Variants in WDR70 observed in about 807,000 individuals in gnomAD.
WDR70 encodes WD repeat domain 70.
A neutral mutation model predicts 88.6 loss-of-function variants in WDR70; 53 were observed. That is an observed-to-expected ratio of 0.60 (90% CI 0.48 to 0.75). The LOEUF is 0.75. WDR70 is among the 30% of genes least tolerant of loss of function. The pLI, the probability that WDR70 is intolerant of heterozygous loss-of-function variation, is 0.00. For synonymous variants in WDR70, 280 were observed against 270.0 expected, an observed-to-expected ratio of 1.04 and a Z score of -0.36; for missense variants, 610 against 823.2, an observed-to-expected ratio of 0.74 and a Z score of 3.17.
intron 10 of WDR70, among the ~76,000 whole-genome samples, chr5:37,676,111 G>C (rs79145838): frequency 7.0e-6 from 1 of 143,222 alleles, no homozygotes; most frequent in South Asian, 2.4e-4. Flanking sequence ...CTGAAGTTGC[G>C]CATCAGCTTA....
intron 10 of WDR70, among the ~76,000 whole-genome samples, chr5:37,651,337 G>A (rs1491001618): frequency 6.6e-6 from 1 of 152,138 alleles, no homozygotes; most frequent in Admixed American, 6.6e-5. Context: ...ATATATATGT[G>A]CCACATTTTC....
Position 37,479,838 on chromosome 5 carries a change from C to G in WDR70, c.691C>G (p.Gln231Glu). 1 of 1,608,944 alleles carries G rather than the reference C, an allele frequency of 6.2e-7. No individual in the cohort carries two copies. The highest frequency in any genetic ancestry group is 8.5e-7 in the Non-Finnish European group (1 of 1,178,218). The change falls in exon 8 of 18, where the codon CAG (glutamine) becomes GAG (glutamate). Residue 231 changes from glutamine to glutamate, a missense_variant. This residue lies in a region of WDR70 where 83 missense variants were observed against 155.3 expected (regional missense o/e 0.53). Transcript: ENST00000265107. Reference sequence around the variant, plus strand: ...TTTCCTTTTCTTTTCGTACAGCCATCAGATCAAGTCATTACAGTATAGTAA... The same window carrying G: ...TTTCCTTTTCTTTTCGTACAGCCATGAGATCAAGTCATTACAGTATAGTAA... Reference protein sequence around the residue: ...FRSLQPCECHQIKSLQYSNTG... With the variant: ...FRSLQPCECHEIKSLQYSNTG...
chr5:37,547,360 A>G (rs1014510204), intron 9 of WDR70, among the ~76,000 whole-genome samples: 2 of 152,210 alleles, frequency 1.3e-5, no homozygotes, highest in Non-Finnish European at 2.9e-5. Context: ...AAAGACTTGC[A>G]TATTATAATA....
intron 10 of WDR70, among the ~76,000 whole-genome samples, chr5:37,649,396 A>T (rs182852900): frequency 1.1e-4 from 17 of 151,032 alleles, no homozygotes; most frequent in Non-Finnish European, 2.5e-4. Context: ...GTCTGTACAT[A>T]TGGAAGTAAC....
At chr5:37,479,307 T>C (rs1351747735) in intron 7 of WDR70, among the ~76,000 whole-genome samples, 1 of 150,758 alleles carries the variant, frequency 6.6e-6, no homozygotes, top group Non-Finnish European at 1.5e-5. Context: ...TAGATTGCAG[T>C]GGAGAGTGGG....
chr5:37,591,195 T>C (rs1021467546), intron 9 of WDR70, among the ~76,000 whole-genome samples: 3 of 152,050 alleles, frequency 2.0e-5, no homozygotes, highest in Non-Finnish European at 2.9e-5. Context: ...TAGCCAGGCA[T>C]AGTGGCTCGT....
intron 10 of WDR70, among the ~76,000 whole-genome samples, chr5:37,621,131 C>T (rs772039302): frequency 6.6e-6 from 1 of 152,106 alleles, no homozygotes; most frequent in Admixed American, 6.6e-5. Context: ...CAGCTTCTTA[C>T]AGTCTGCCTC....
chr5:37,453,225 C>T (rs1247803415), intron 7 of WDR70, among the ~76,000 whole-genome samples: 1 of 152,198 alleles, frequency 6.6e-6, no homozygotes, highest in Non-Finnish European at 1.5e-5. Flanking sequence ...TAAAGACACA[C>T]ACACAGAAAT....
At chr5:37,480,895 G>T (rs530983413) in intron 8 of WDR70, among the ~76,000 whole-genome samples, 25 of 152,326 alleles carry the variant, frequency 1.6e-4, no homozygotes, top group African/African-American at 5.8e-4. Context: ...AAGCAAGTTA[G>T]TTACTTTCTA....
intron 9 of WDR70, among the ~76,000 whole-genome samples, chr5:37,573,326 A>G (rs896316795): frequency 6.6e-6 from 1 of 152,176 alleles, no homozygotes; most frequent in Non-Finnish European, 1.5e-5. Flanking sequence ...CTCATTAAAC[A>G]GTAAGAATAA....
intron 11 of WDR70, among the ~76,000 whole-genome samples, chr5:37,699,158 G>A (rs1747067561): frequency 6.6e-6 from 1 of 151,878 alleles, no homozygotes; most frequent in South Asian, 2.1e-4. Context: ...GGGGAGAAGA[G>A]GGGAAAAAGG....
chr5:37,603,171 C>T (rs1440982973), intron 9 of WDR70, among the ~76,000 whole-genome samples: 5 of 151,344 alleles, frequency 3.3e-5, no homozygotes, highest in South Asian at 2.1e-4. Flanking sequence ...TATGAAACCA[C>T]GAAAGATCCC....
At chr5:37,506,458 C>T in intron 8 of WDR70, 1 of 767,642 alleles carries the variant, frequency 1.3e-6, no homozygotes, top group South Asian at 1.4e-5. Flanking sequence ...AAGAAGGCTC[C>T]TCTATGATCT....
chr5:37,395,794 T>A (rs1748993676), intron 4 of WDR70, among the ~76,000 whole-genome samples: 2 of 152,124 alleles, frequency 1.3e-5, no homozygotes, highest in African/African-American at 4.8e-5. Flanking sequence ...ATTTTTAAAT[T>A]AAATTTTTAT....
intron 11 of WDR70, among the ~76,000 whole-genome samples, chr5:37,698,483 G>A (rs191163998): frequency 1.4e-5 from 2 of 140,048 alleles, no homozygotes; most frequent in Non-Finnish European, 3.2e-5. Flanking sequence ...TATCACATAA[G>A]GAAAAGAAAT....
intron 9 of WDR70, among the ~76,000 whole-genome samples, chr5:37,543,321 C>A (rs1010354806): frequency 2.0e-5 from 3 of 152,146 alleles, no homozygotes; most frequent in Non-Finnish European, 4.4e-5. Context: ...CATTTGTAAA[C>A]TGATACAGTG....
intron 8 of WDR70, among the ~76,000 whole-genome samples, chr5:37,509,201 T>G (rs1371956948): frequency 6.6e-6 from 1 of 152,100 alleles, no homozygotes. Flanking sequence ...TATTTTAAGA[T>G]GGATGCTTTA....
intron 10 of WDR70, among the ~76,000 whole-genome samples, chr5:37,671,581 C>G (rs1746026713): frequency 6.6e-6 from 1 of 152,174 alleles, no homozygotes; most frequent in Admixed American, 6.5e-5. Context: ...AATATTTTCT[C>G]TATTTTCAGA....
At chr5:37,735,369 G>T (rs1211707756) in intron 17 of WDR70, among the ~76,000 whole-genome samples, 1 of 152,086 alleles carries the variant, frequency 6.6e-6, no homozygotes. Flanking sequence ...GGTAGATCAG[G>T]CATTGTCATA....
Sources: allele counts gnomAD v4.1 joint callset (sites outside exome capture counted in the v4.1 genomes callset), GRCh38; gene constraint gnomAD v4.1.1; regional missense constraint gnomAD v4.1.1; transcripts MANE v1.5; gene names NCBI Gene and HGNC (gene_info 2026-07-23, HGNC 2026-07-21).